UGT2B7: variants seen among roughly 807,000 people sequenced by gnomAD.
UGT2B7 encodes UDP glucuronosyltransferase family 2 member B7.
UGT2B7 carries 51 observed loss-of-function variants against 51.9 expected under a neutral mutation model. The observed-to-expected ratio is 0.98, with a 90% CI of 0.78 to 1.24. The LOEUF is 1.24. Among genes scored for constraint, UGT2B7 ranks in the 50% most tolerant of loss-of-function variants. The probability of loss-of-function intolerance (pLI) is 0.00; values close to 1 mark genes in which losing one functional copy is unlikely to be tolerated. For synonymous variants in UGT2B7, 225 were observed against 211.6 expected (o/e 1.06, Z -0.55); for missense variants, 727 against 628.4 (o/e 1.16, Z -1.68).
At chr4:69,067,034 C>T (rs4434329) in intron 1 of UGT2B7, among the ~76,000 whole-genome samples, 28,004 of 152,032 alleles carry the variant, frequency 0.18, 2,910 homozygotes, top group Admixed American at 0.3. Context: ...AGTGACTTCA[C>T]CATTTCTCTA....
chr4:69,084,002 T>C (rs1483057455), intron 1 of UGT2B7, among the ~76,000 whole-genome samples: 1 of 152,122 alleles, frequency 6.6e-6, no homozygotes, highest in Non-Finnish European at 1.5e-5. Flanking sequence ...TACTCTGATG[T>C]TACCTGTGCA....
intron 1 of UGT2B7, among the ~76,000 whole-genome samples, chr4:69,056,959 C>A (rs1375359308): frequency 6.6e-6 from 1 of 152,154 alleles, no homozygotes; most frequent in African/African-American, 2.4e-5. Flanking sequence ...ACAGGCAGCC[C>A]AGCACCATGC....
chr4:69,112,830 C>G lies in UGT2B7; in HGVS notation c.*94C>G. The G allele has an allele frequency of 8.3e-7, 1 of 1,211,866 alleles. No individual in the cohort carries two copies. The highest frequency in any genetic ancestry group is 1.1e-6 in the Non-Finnish European group (1 of 938,370). The allele number at this position is 1,211,866 out of a possible 1,614,324, so 75.1% of individuals were successfully genotyped here. On this transcript the variant is annotated 3_prime_UTR_variant, in exon 6 of 6. Transcript: ENST00000305231. ...ATTGTGATGCAAGATTTCTTTCTTC[C>G]TGAGACAAAAAAAAAAAAAGAAAAA...
chr4:69,100,756 T>A (rs1719392481), intron 2 of UGT2B7, among the ~76,000 whole-genome samples: 1 of 152,122 alleles, frequency 6.6e-6, no homozygotes. Flanking sequence ...GCAGAAAGAT[T>A]TGAATGCAAG....
At chr4:69,085,877 C>G (rs890152645) in intron 1 of UGT2B7, among the ~76,000 whole-genome samples, 10 of 151,430 alleles carry the variant, frequency 6.6e-5, no homozygotes, top group African/African-American at 2.2e-4. Context: ...TGTTATGTAT[C>G]CTTTTCATCT....
intron 1 of UGT2B7, among the ~76,000 whole-genome samples, chr4:69,074,694 T>C (rs1209718606): frequency 6.6e-6 from 1 of 152,032 alleles, no homozygotes; most frequent in East Asian, 1.9e-4. Context: ...TTATTATTTT[T>C]TAACAAAAGT....
upstream of UGT2B7, among the ~76,000 whole-genome samples, chr4:69,094,574 A>G (rs1228084299): frequency 6.6e-6 from 1 of 152,246 alleles, no homozygotes; most frequent in African/African-American, 2.4e-5. Flanking sequence ...AGTGCTAATG[A>G]TCATCTGAGT....
intron 1 of UGT2B7, among the ~76,000 whole-genome samples, chr4:69,069,206 A>C (rs1386790713): frequency 2.0e-5 from 3 of 151,854 alleles, no homozygotes; most frequent in African/African-American, 4.8e-5. Flanking sequence ...TGTTAATACC[A>C]ACTCTTGGTC....
At position 69,112,508 on chromosome 4, in the gene UGT2B7, G is replaced by T. The variant is rs746560447; in HGVS notation, c.1362G>T (p.Val454=). The T allele has an allele frequency of 6.2e-7, 1 of 1,613,912 alleles. No homozygotes were observed. Among genetic ancestry groups the T allele is most frequent in the East Asian group, 2.2e-5 (1 of 44,870 alleles). Reference sequence around the variant, plus strand: ...CAAGAATTCAACATGATCAACCAGTGAAGCCCCTGGATCGAGCAGTCTTCT... The same window carrying T: ...CAAGAATTCAACATGATCAACCAGTTAAGCCCCTGGATCGAGCAGTCTTCT... The part of the protein sequence containing the change: ...KLSRIQHDQP[V]KPLDRAVFWI... Residue 454 remains valine (V), a synonymous_variant, in exon 6 of 6, where the codon GTG becomes GTT. Transcript: ENST00000305231.
Position 69,108,130 on chromosome 4 carries a change from C to T in UGT2B7, c.1118C>T (p.Thr373Ile). 6 of 1,613,572 alleles carry T rather than the reference C, an allele frequency of 3.7e-6. No homozygotes were observed. The highest frequency in any genetic ancestry group is 5.1e-6 in the Non-Finnish European group (6 of 1,179,600). The change falls in exon 5 of 6, where the codon ACT (threonine) becomes ATT (isoleucine). Residue 373 changes from threonine (T) to isoleucine (I), a missense_variant. Thr to Ile is a moderately conservative substitution (Grantham distance 89, BLOSUM62 -1). Coordinates refer to ENST00000305231, the MANE Select transcript of UGT2B7 (RefSeq NM_001074.4). ...CATCCAAAGACCAGAGCTTTTATAA[C>T]TCATGGTGGAGCCAATGGCATCTAC... The part of the protein sequence containing the change: ...LGHPKTRAFI[T>I]HGGANGIYEA...
upstream of UGT2B7, among the ~76,000 whole-genome samples, chr4:69,093,063 A>T (rs557301123): frequency 3.9e-5 from 6 of 152,070 alleles, no homozygotes; most frequent in African/African-American, 1.4e-4. Flanking sequence ...TTGCTAAGTC[A>T]CCCAAACAGC....
intron 1 of UGT2B7, among the ~76,000 whole-genome samples, chr4:69,052,162 G>A (rs1388155476): frequency 6.6e-6 from 1 of 152,070 alleles, no homozygotes; most frequent in Non-Finnish European, 1.5e-5. Flanking sequence ...TCAGAAGGAA[G>A]CCTGGACAGG....
intron 5 of UGT2B7, among the ~76,000 whole-genome samples, chr4:69,111,889 T>C (rs1209157241): frequency 1.3e-5 from 2 of 152,228 alleles, no homozygotes; most frequent in African/African-American, 4.8e-5. Context: ...TGTCAATTCT[T>C]TGACATTTAT....
At chr4:69,107,752 G>C (rs1719646729) in intron 4 of UGT2B7, among the ~76,000 whole-genome samples, 1 of 151,966 alleles carries the variant, frequency 6.6e-6, no homozygotes, top group African/African-American at 2.4e-5. Context: ...ACCACTGCCT[G>C]CTGCCTTGCC....
chr4:69,097,162 G>C lies in UGT2B7; in HGVS notation c.642G>C (p.Met214Ile). The C allele has an allele frequency of 6.2e-7, 1 of 1,613,470 alleles. No homozygotes were observed. Among genetic ancestry groups the C allele is most frequent in the East Asian group, 2.2e-5 (1 of 44,836 alleles). ...QMTFMERVKN[M>I]IYVLYFDFWF... ...CTTTCATGGAGAGGGTAAAAAATAT[G>C]ATCTATGTGCTTTACTTTGACTTTT... is the stretch of plus-strand genomic sequence containing the variant. Residue 214 changes from methionine to isoleucine, a missense_variant, in exon 1 of 6, where the codon ATG becomes ATC. Met to Ile is a conservative substitution (Grantham distance 10). Transcript: ENST00000305231.
At chr4:69,075,566 C>G (rs540543056) in intron 1 of UGT2B7, among the ~76,000 whole-genome samples, 1 of 152,182 alleles carries the variant, frequency 6.6e-6, no homozygotes, top group South Asian at 2.1e-4. Context: ...ACATCAATCA[C>G]CAAGTATGTA....
upstream of UGT2B7, among the ~76,000 whole-genome samples, chr4:69,095,193 C>T (rs1021825544): frequency 1.3e-5 from 2 of 152,194 alleles, no homozygotes; most frequent in Non-Finnish European, 2.9e-5. Flanking sequence ...AATTGCAGGG[C>T]ACTGAGCAAG....
At chr4:69,058,536 G>A (rs1398804056) in intron 1 of UGT2B7, among the ~76,000 whole-genome samples, 3 of 152,134 alleles carry the variant, frequency 2.0e-5, no homozygotes, top group Non-Finnish European at 4.4e-5. Context: ...GCGGGAGAAA[G>A]GCAATCAATA....
rs940384068 is a variant in UGT2B7 at position 69,112,771 on chromosome 4, G to A, written c.*35G>A. ...AGATTTGAAGCTGGAAAACCTGATA[G>A]GTGAGACTACTTCAGTTTATTCCAG... On this transcript the variant is annotated 3_prime_UTR_variant, in exon 6 of 6. Coordinates refer to ENST00000305231, the MANE Select transcript of UGT2B7 (RefSeq NM_001074.4). The A allele has an allele frequency of 6.2e-7, 1 of 1,609,488 alleles. No individual in the cohort carries two copies. The highest frequency in any genetic ancestry group is 8.5e-7 in the Non-Finnish European group (1 of 1,178,320).
Sources: gnomAD v4.1 joint callset for allele counts (sites outside exome capture counted in the v4.1 genomes callset) on GRCh38, gnomAD v4.1.1 for gene constraint, MANE v1.5 for transcripts, NCBI Gene and HGNC (gene_info 2026-07-23, HGNC 2026-07-21) for gene names.